Variants in MAP2K5 observed in about 807,000 individuals in gnomAD.
The protein encoded by MAP2K5 is dual specificity mitogen-activated protein kinase kinase 5.
MAP2K5 carries 49 observed loss-of-function variants against 83.1 expected under a neutral mutation model. The ratio of observed to expected loss-of-function variants is 0.59; its 90% CI spans 0.47 to 0.75. The LOEUF (loss-of-function observed/expected upper bound fraction) is 0.75. MAP2K5 is among the 30% of genes least tolerant of loss of function. The pLI, the probability that MAP2K5 is intolerant of heterozygous loss-of-function variation, is 0.00. For synonymous variants in MAP2K5, 202 were observed against 191.8 expected (o/e 1.05, Z -0.44); for missense variants, 457 against 557.5 (o/e 0.82, Z 1.82).
At position 67,775,144 on chromosome 15, in the gene MAP2K5, C is replaced by T. The variant is rs183082451; in HGVS notation, c.1242+2392C>T. On this transcript the variant is annotated intron_variant, in intron 21 of 21. Transcript: ENST00000178640. The surrounding 1 kb of genome is among the most constrained non-coding windows in gnomAD (Gnocchi z 5.3). The stretch of plus-strand genomic sequence containing the variant: ...CTGTTTATACCAGAATACCCCTTAT[C>T]GAATCATAAAATCATCATCTTGGCA... Among the ~76,000 whole-genome samples the T allele has an allele frequency of 1.3e-5, 2 of 152,202 alleles. No homozygotes were observed. The highest frequency in any genetic ancestry group is 2.4e-5 in the African/African-American group (1 of 41,506).
At chr15:67,602,430 A>G (rs759455277) in intron 8 of MAP2K5, among the ~76,000 whole-genome samples, 9 of 152,200 alleles carry the variant, frequency 5.9e-5, no homozygotes, top group Admixed American at 2.6e-4. Context: ...ATTTGCTTCA[A>G]ATGGAATTTA....
intron 3 of MAP2K5, among the ~76,000 whole-genome samples, chr15:67,579,149 AG>A (rs1437958570): frequency 2.6e-5 from 4 of 152,166 alleles, no homozygotes; most frequent in African/African-American, 9.6e-5. Flanking sequence ...TCCAGAAGCA[AG>A]GGGGTACATG....
Position 67,567,124 on chromosome 15 carries a change from G to A in MAP2K5, c.252+3774G>A, listed in dbSNP as rs138248513. On this transcript the variant is annotated intron_variant, in intron 3 of 21. Coordinates refer to ENST00000178640, the MANE Select transcript of MAP2K5 (RefSeq NM_145160.3). ...ATAATAAATTGTCTTTTAAGAAAAT[G>A]TAAAGTAATTTGGTCTCCAAGGAGA... Among the ~76,000 whole-genome samples, 390 of 152,290 alleles carry A rather than the reference G, an allele frequency of 2.6e-3. 2 individuals are homozygous for A. The highest frequency in any genetic ancestry group is 9.0e-3 in the African/African-American group (372 of 41,560).
intron 15 of MAP2K5, among the ~76,000 whole-genome samples, chr15:67,701,095 A>G (rs1391064428): frequency 6.6e-6 from 1 of 151,862 alleles, no homozygotes; most frequent in Non-Finnish European, 1.5e-5. Context: ...TTTTTTCTGT[A>G]TTCTGGGTGA....
At chr15:67,661,976 T>C (rs994091742) in intron 12 of MAP2K5, among the ~76,000 whole-genome samples, 1 of 152,158 alleles carries the variant, frequency 6.6e-6, no homozygotes, top group African/African-American at 2.4e-5. Flanking sequence ...AACTTATCAT[T>C]ATTAATATTT....
chr15:67,689,906 G>A (rs1292067844), intron 13 of MAP2K5, among the ~76,000 whole-genome samples: 9 of 152,138 alleles, frequency 5.9e-5, no homozygotes, highest in Admixed American at 4.6e-4. Context: ...ATGGTTTAGG[G>A]CAAACTTGTC....
At chr15:67,671,114 A>G (rs978742579) in intron 13 of MAP2K5, among the ~76,000 whole-genome samples, 2 of 152,168 alleles carry the variant, frequency 1.3e-5, no homozygotes, top group African/African-American at 4.8e-5. Context: ...ACTATGAAAG[A>G]GTAGCTGGAT....
At chr15:67,767,368 C>G (rs2090060023) in intron 19 of MAP2K5, among the ~76,000 whole-genome samples, 1 of 152,104 alleles carries the variant, frequency 6.6e-6, no homozygotes, top group African/African-American at 2.4e-5. Flanking sequence ...GAATTTTAAC[C>G]ATCTTGGTAA....
chr15:67,793,936 C>G lies in MAP2K5; in HGVS notation c.1243-12710C>G, dbSNP rs192317231. 6.6e-6 allele frequency among the ~76,000 whole-genome samples: 1 copy of G among 152,146 alleles called. No individual in the cohort carries two copies. Among genetic ancestry groups the G allele is most frequent in the Admixed American group, 6.5e-5 (1 of 15,286 alleles). ...GACTTAGATCTAGGCACATAGAAAC[C>G]GCTCCACACATCCATAGTGAATCTT... On this transcript the variant is annotated intron_variant, in intron 21 of 21. Transcript: ENST00000178640. This position sits in a 1 kb window ranked among gnomAD's most constrained non-coding sequence, Gnocchi z 4.6.
At chr15:67,800,261 G>A (rs2090679947) in intron 21 of MAP2K5, among the ~76,000 whole-genome samples, 1 of 152,132 alleles carries the variant, frequency 6.6e-6, no homozygotes, top group Non-Finnish European at 1.5e-5. Flanking sequence ...AGTGGAACAT[G>A]TTTTATTATG....
At position 67,748,589 on chromosome 15, in the gene MAP2K5, C is replaced by A; in HGVS notation, c.1122C>A (p.Cys374Ter). ...TGCAGCCTCTCCAGCTTCTGCAGTG[C>A]ATTGTTGATGAGGTGAGGCATCGTC... The part of the protein sequence containing the change: ...GSLMPLQLLQ[C>*]IVDEDSPVLP... The change falls in exon 19 of 22, where the codon TGC (cysteine) becomes TGA (stop). Residue 374 changes from cysteine to a stop codon, truncating the protein, a stop_gained. Transcript: ENST00000178640. LOFTEE classifies it high-confidence loss of function. This position sits in a 1 kb window ranked among gnomAD's most constrained non-coding sequence, Gnocchi z 4.0. 6.2e-7 allele frequency: 1 copy of A among 1,614,000 alleles called. No homozygotes were observed. Among genetic ancestry groups the A allele is most frequent in the Non-Finnish European group, 8.5e-7 (1 of 1,179,876 alleles).
intron 6 of MAP2K5, among the ~76,000 whole-genome samples, chr15:67,591,787 AG>A (rs368495839): frequency 1.1e-4 from 17 of 152,208 alleles, no homozygotes; most frequent in African/African-American, 4.1e-4. Context: ...AGATGACTTA[AG>A]AGCTCCCCTT....
chr15:67,800,517 G>A (rs912749811), intron 21 of MAP2K5, among the ~76,000 whole-genome samples: 11 of 152,150 alleles, frequency 7.2e-5, no homozygotes, highest in Non-Finnish European at 8.8e-5. Flanking sequence ...TCCCAACTTA[G>A]GCATCCATCA....
At chr15:67,710,034 C>T (rs2088652746) in intron 16 of MAP2K5, among the ~76,000 whole-genome samples, 1 of 152,150 alleles carries the variant, frequency 6.6e-6, no homozygotes, top group African/African-American at 2.4e-5. Context: ...GCCTGCCCCC[C>T]ACCCTTTTTT....
At chr15:67,688,990 G>T (rs539471968) in intron 13 of MAP2K5, among the ~76,000 whole-genome samples, 99 of 152,158 alleles carry the variant, frequency 6.5e-4, no homozygotes, top group Non-Finnish European at 1.3e-3. Context: ...ACTGTGCTCG[G>T]AAGGGATACA....
In MAP2K5 at chr15:67,757,079, A is replaced by C. The variant is rs2089853917; in HGVS notation, c.1134+8478A>C. Among the ~76,000 whole-genome samples, 2 of 151,992 alleles carry C rather than the reference A, an allele frequency of 1.3e-5. No homozygotes were observed. The highest frequency in any genetic ancestry group is 4.8e-5 in the African/African-American group (2 of 41,368). ...CACCGAGAAGTTGGATTACTGAATC[A>C]TAGCGTAGTTCTTTTTTTAGTTTTT... On this transcript the variant is annotated intron_variant, in intron 19 of 21. Transcript: ENST00000178640. The surrounding 1 kb of genome is among the most constrained non-coding windows in gnomAD (Gnocchi z 4.9).
rs1030278634 is a variant in MAP2K5, at chr15:67,559,458, T to A, written c.185-3825T>A. On this transcript the variant is annotated intron_variant, in intron 2 of 21. Coordinates refer to ENST00000178640, the MANE Select transcript of MAP2K5 (RefSeq NM_145160.3). The surrounding 1 kb of genome is among the most constrained non-coding windows in gnomAD (Gnocchi z 4.7). ...TTTATGTTTCTCTTCTTGGTTTTTC[T>A]TTTGGATTGCATGTTGCCTCAAATA... is the stretch of plus-strand genomic sequence containing the variant. Among the ~76,000 whole-genome samples the A allele has an allele frequency of 6.6e-6, 1 of 152,218 alleles. No individual in the cohort carries two copies. Among genetic ancestry groups the A allele is most frequent in the Non-Finnish European group, 1.5e-5 (1 of 68,042 alleles).
chr15:67,676,976 A>G lies in MAP2K5; in HGVS notation c.847+12331A>G, dbSNP rs1156695926. Among the ~76,000 whole-genome samples, 1 of 152,218 alleles carries G rather than the reference A, an allele frequency of 6.6e-6. No homozygotes were observed. The highest frequency in any genetic ancestry group is 2.4e-5 in the African/African-American group (1 of 41,450). On this transcript the variant is annotated intron_variant, in intron 13 of 21. Coordinates refer to ENST00000178640, the MANE Select transcript of MAP2K5 (RefSeq NM_145160.3). This position sits in a 1 kb window ranked among gnomAD's most constrained non-coding sequence, Gnocchi z 4.8. Reference sequence around the variant, plus strand: ...GCATTGTACCTGGCATATAACAGCTATTATTATGTCAAATAATTATTTCTC... The same window carrying G: ...GCATTGTACCTGGCATATAACAGCTGTTATTATGTCAAATAATTATTTCTC...
intron 21 of MAP2K5, 77 bp from the exon 22 acceptor site, chr15:67,806,569 G>A (rs1358450045): frequency 7.9e-7 from 1 of 1,273,098 alleles, no homozygotes; most frequent in Non-Finnish European, 1.1e-6. Context: ...GATCCAGGCT[G>A]AGGGCAGGCC....
Sources: allele counts gnomAD v4.1 joint callset (sites outside exome capture counted in the v4.1 genomes callset), GRCh38; gene constraint gnomAD v4.1.1; non-coding constraint Gnocchi (gnomAD v3.1); transcripts MANE v1.5; gene names NCBI Gene and HGNC (gene_info 2026-07-23, HGNC 2026-07-21).